Variants in DAPK1 observed in about 807,000 individuals in gnomAD.
DAPK1 encodes death-associated protein kinase 1.
Under a neutral mutation model 144.9 loss-of-function variants are expected in DAPK1, and 56 were observed. The observed-to-expected ratio is 0.39, with a 90% CI of 0.31 to 0.48. The LOEUF is 0.48. DAPK1 is among the 20% of genes least tolerant of loss of function. The pLI is 0.95. For missense variants in DAPK1, 1,454 were observed against 1,875.4 expected (o/e 0.78, Z 4.15); for synonymous variants, 690 against 749.0 (o/e 0.92, Z 1.29).
chr9:87,702,752 C>T (rs1359303135), intron 24 of DAPK1, among the ~76,000 whole-genome samples: 1 of 152,084 alleles, frequency 6.6e-6, no homozygotes, highest in African/African-American at 2.4e-5. Flanking sequence ...CCAAAAAACA[C>T]AAACTAGCCA....
chr9:87,518,850 C>T lies in DAPK1; in HGVS notation c.62+19711C>T, dbSNP rs191267742. 2.2e-4 allele frequency among the ~76,000 whole-genome samples: 33 copies of T among 152,104 alleles called. No homozygotes were observed. In the East Asian group the frequency reaches 4.6e-3, roughly 21 times the overall value. On this transcript the variant is annotated intron_variant, in intron 2 of 25. Coordinates refer to ENST00000408954, the MANE Select transcript of DAPK1 (RefSeq NM_004938.4). ...CAGCTGTAAAATGTTAGATGAACTT[C>T]CACCCTCAGTAAAATCAGCCACCCC...
At chr9:87,668,863 C>G (rs1249958589) in intron 19 of DAPK1, 189 bp downstream of exon 19, 1 of 570,648 alleles carries the variant, frequency 1.8e-6, no homozygotes, top group Non-Finnish European at 3.1e-6. Flanking sequence ...GTTTTCTTCT[C>G]TATTTGGACT....
At chr9:87,671,496 CT>C (rs796165675) in intron 19 of DAPK1, among the ~76,000 whole-genome samples, 8 of 135,142 alleles carry the variant, frequency 5.9e-5, no homozygotes, top group African/African-American at 1.5e-4. Context: ...GAATAGTCAC[CT>C]TTTTTTTCTT....
chr9:87,509,726 G>A (rs1270407090), intron 2 of DAPK1, among the ~76,000 whole-genome samples: 1 of 152,240 alleles, frequency 6.6e-6, no homozygotes, highest in East Asian at 1.9e-4. Flanking sequence ...CTAGATATTG[G>A]CTTTGCCATT....
chr9:87,500,211 A>AT (rs971444884), intron 2 of DAPK1, among the ~76,000 whole-genome samples: 1 of 152,130 alleles, frequency 6.6e-6, no homozygotes, highest in Non-Finnish European at 1.5e-5. Flanking sequence ...ATAGTGTAGA[A>AT]TTTTTTTAAA....
At chr9:87,705,531 T>C (rs1481606088) in intron 25 of DAPK1, among the ~76,000 whole-genome samples, 1 of 152,174 alleles carries the variant, frequency 6.6e-6, no homozygotes, top group Non-Finnish European at 1.5e-5. Context: ...CTACTACATT[T>C]AAGCTGATCA....
chr9:87,657,995 A>G (rs1228507245), intron 17 of DAPK1, 34 bp from the exon 18 acceptor site: 1 of 823,034 alleles, frequency 1.2e-6, no homozygotes, highest in African/African-American at 1.7e-5. Flanking sequence ...CTGCGTGAGA[A>G]GAACGACCTT....
chr9:87,582,509 C>T (rs1827784849), intron 2 of DAPK1, among the ~76,000 whole-genome samples: 1 of 151,178 alleles, frequency 6.6e-6, no homozygotes, highest in African/African-American at 2.4e-5. Flanking sequence ...TTACTGATGG[C>T]CATGAAGTGT....
At chr9:87,595,165 C>CA (rs1347824725) in intron 2 of DAPK1, among the ~76,000 whole-genome samples, 1 of 152,134 alleles carries the variant, frequency 6.6e-6, no homozygotes, top group Non-Finnish European at 1.5e-5. Flanking sequence ...GCTTCAAAAC[C>CA]AAAAATATGT....
intron 17 of DAPK1, among the ~76,000 whole-genome samples, chr9:87,656,690 A>G (rs1438542569): frequency 6.6e-6 from 1 of 152,250 alleles, no homozygotes; most frequent in Non-Finnish European, 1.5e-5. Flanking sequence ...TGAGAGCCAC[A>G]CAGTGGACGC....
intron 2 of DAPK1, among the ~76,000 whole-genome samples, chr9:87,520,973 G>A (rs1485769774): frequency 6.6e-6 from 1 of 152,190 alleles, no homozygotes; most frequent in Non-Finnish European, 1.5e-5. Flanking sequence ...GCCAACCTAT[G>A]ACTGACAATG....
At chr9:87,540,347 G>A (rs1826004530) in intron 2 of DAPK1, among the ~76,000 whole-genome samples, 1 of 151,840 alleles carries the variant, frequency 6.6e-6, no homozygotes, top group African/African-American at 2.4e-5. Flanking sequence ...GTGCCACCAT[G>A]CCTGGCTAAT....
rs200676571 is a variant in DAPK1, at chr9:87,576,553, G to GTTTGT, written c.63-28383_63-28379dup. 4.1e-4 allele frequency among the ~76,000 whole-genome samples: 63 copies of GTTTGT among 152,054 alleles called. 1 individual carries two copies. The East Asian group carries it at 4.5e-3, about 11-fold the overall frequency. ...AAATTACTGTGTTTCTCTGGATCTT[G>GTTTGT]TTTGTTTTGTTTTGTTTTGTTTGAG... On this transcript the variant is annotated intron_variant, in intron 2 of 25. Coordinates refer to ENST00000408954, the MANE Select transcript of DAPK1 (RefSeq NM_004938.4).
In DAPK1 at chr9:87,541,549, G is replaced by GA. The variant is rs34942132; in HGVS notation, c.62+42428dup. ...GGGCAACAGAGCAAGACTCTGTCTG[G>GA]AAAAAAAAAAAAAAAAAAGATGGAG... On this transcript the variant is annotated intron_variant, in intron 2 of 25. Transcript: ENST00000408954. 4.6e-3 allele frequency among the ~76,000 whole-genome samples: 613 copies of GA among 133,354 alleles called. 1 individual carries two copies. The highest frequency in any genetic ancestry group is 0.025 in the South Asian group (105 of 4,164). The allele number at this position is 133,354 out of a possible 152,430, so 87.5% of individuals were successfully genotyped here.
chr9:87,650,199 C>T (rs1255868549), intron 16 of DAPK1, 81 bp downstream of exon 16: 1 of 1,432,254 alleles, frequency 7.0e-7, no homozygotes, highest in Admixed American at 1.8e-5. Flanking sequence ...CAGTTTGTTT[C>T]CCTAAGATAA....
At chr9:87,629,619 C>T (rs1372426835) in intron 3 of DAPK1, among the ~76,000 whole-genome samples, 1 of 152,092 alleles carries the variant, frequency 6.6e-6, no homozygotes, top group Non-Finnish European at 1.5e-5. Flanking sequence ...CTCAAGCAAC[C>T]CCGCCTTGGC....
rs118075226 is a variant in DAPK1, at chr9:87,635,942, G to A, written c.285-2001G>A. 6.4e-3 allele frequency among the ~76,000 whole-genome samples: 982 copies of A among 152,328 alleles called. 22 individuals are homozygous for A. Among genetic ancestry groups the A allele is most frequent in the East Asian group, 0.063 (327 of 5,168 alleles). ...GGCTGGAGACCCAGGTGTGATGGGA[G>A]AGCTTTCTTTGGGTGAGGTTGGTTC... is the stretch of plus-strand genomic sequence containing the variant. On this transcript the variant is annotated intron_variant, in intron 3 of 25. Transcript: ENST00000408954.
At chr9:87,617,836 TCCCTGCTC>T (rs1829154815) in intron 3 of DAPK1, among the ~76,000 whole-genome samples, 1 of 152,148 alleles carries the variant, frequency 6.6e-6, no homozygotes, top group Non-Finnish European at 1.5e-5. Context: ...CCCTCCATAG[TCCCTGCTC>T]CCCTCTGCTT....
chr9:87,571,002 G>C (rs887252373), intron 2 of DAPK1, among the ~76,000 whole-genome samples: 1 of 152,042 alleles, frequency 6.6e-6, no homozygotes, highest in Admixed American at 6.6e-5. Flanking sequence ...CAGTGAACTG[G>C]ACTGGAACAC....
Sources: allele counts gnomAD v4.1 joint callset (sites outside exome capture counted in the v4.1 genomes callset), GRCh38; gene constraint gnomAD v4.1.1; transcripts MANE v1.5; gene names NCBI Gene and HGNC (gene_info 2026-07-23, HGNC 2026-07-21).